The following DAW1 variants were observed in gnomAD, a reference collection of about 807,000 sequenced individuals.
The protein encoded by DAW1 is dynein assembly factor with WD repeat domains 1.
A neutral mutation model predicts 56.5 loss-of-function variants in DAW1; 47 were observed. That is an observed-to-expected ratio of 0.83 (90% CI 0.66 to 1.06). DAW1 has a LOEUF of 1.06. Ranked by LOEUF, DAW1 falls within the 50% of genes least tolerant of loss-of-function variation. The pLI, the probability that DAW1 is intolerant of heterozygous loss-of-function variation, is 0.00. For missense variants in DAW1, 505 were observed against 499.3 expected (o/e 1.01, Z -0.11); for synonymous variants, 190 against 179.0 (o/e 1.06, Z -0.49).
At chr2:227,872,531 T>C (rs4145724) in intron 1 of DAW1, 73,037 of 151,842 alleles carry the variant, frequency 0.48, 17,790 homozygotes, top group Admixed American at 0.58. Flanking sequence ...AGGTATCGCA[T>C]AGAGATCTCA....
chr2:227,913,449 GA>G (rs1307107216), intron 10 of DAW1, among the ~76,000 whole-genome samples: 1 of 151,954 alleles, frequency 6.6e-6, no homozygotes, highest in African/African-American at 2.4e-5. Flanking sequence ...TTTTCTCCTT[GA>G]TAACCACATA....
chr2:227,918,187 C>CCAT (rs1553604212), intron 10 of DAW1, among the ~76,000 whole-genome samples: 36 of 96,168 alleles, frequency 3.7e-4, no homozygotes, highest in South Asian at 6.2e-4. Context: ...ATCCATCCAT[C>CCAT]CATCCATCCA....
intron 10 of DAW1, chr2:227,912,347 C>T (rs1447937035): frequency 5.4e-6 from 7 of 1,304,324 alleles, no homozygotes; most frequent in Non-Finnish European, 7.1e-6. Context: ...ATTCTCCTGC[C>T]TCAGCCGCCC....
chr2:227,871,809 G>T, intron 1 of DAW1, 80 bp downstream of exon 1: 1 of 1,579,912 alleles, frequency 6.3e-7, no homozygotes, highest in South Asian at 1.1e-5. Flanking sequence ...GGAGGAGGGC[G>T]CAGCCACTGA....
At chr2:227,909,537 A>G (rs1034585399) in intron 10 of DAW1, among the ~76,000 whole-genome samples, 8 of 152,128 alleles carry the variant, frequency 5.3e-5, no homozygotes, top group Non-Finnish European at 8.8e-5. Context: ...AAGTCTTGCC[A>G]TATGCCATCT....
rs1715828 is a variant in DAW1 at position 227,893,838 on chromosome 2, A to T, written c.361A>T (p.Thr121Ser). 0.2 allele frequency: 322,025 copies of T among 1,613,320 alleles called. 34,309 individuals carry two copies. Among genetic ancestry groups the T allele is most frequent in the Middle Eastern group, 0.23 (1,387 of 6,054 alleles). ...SYDRTCKLWD[T>S]ASGEELNTLE... ...TGATCGGACGTGCAAGCTCTGGGAC[A>T]CTGCGTCTGGAGAGGAGCTGAACAC... Residue 121 changes from threonine to serine, a missense_variant, in exon 5 of 13, where the codon ACT (threonine) becomes TCT (serine). By Grantham distance (58) the Thr-to-Ser change is moderately conservative (BLOSUM62 1). Coordinates refer to ENST00000309931, the MANE Select transcript of DAW1 (RefSeq NM_178821.3).
intron 5 of DAW1, among the ~76,000 whole-genome samples, chr2:227,894,520 G>A (rs1340496717): frequency 1.3e-5 from 2 of 152,178 alleles, no homozygotes; most frequent in Non-Finnish European, 2.9e-5. Flanking sequence ...TCAATCCTTG[G>A]GAGTTCCGAC....
At chr2:227,923,649 A>T (rs1176372609) in intron 12 of DAW1, among the ~76,000 whole-genome samples, 1 of 152,108 alleles carries the variant, frequency 6.6e-6, no homozygotes, top group Non-Finnish European at 1.5e-5. Context: ...AGGTGGCTGC[A>T]TTCTCAAGTT....
intron 1 of DAW1, among the ~76,000 whole-genome samples, chr2:227,878,606 T>C (rs1690940296): frequency 6.6e-6 from 1 of 152,132 alleles, no homozygotes; most frequent in Non-Finnish European, 1.5e-5. Flanking sequence ...CCTATAGTCC[T>C]AGCTACTCAA....
intron 10 of DAW1, chr2:227,912,212 T>C (rs1422127910): frequency 2.5e-6 from 1 of 405,074 alleles, no homozygotes; most frequent in South Asian, 1.9e-5. Context: ...TGTTATGCTA[T>C]ATCTATGTCA....
intron 5 of DAW1, among the ~76,000 whole-genome samples, chr2:227,896,596 G>A (rs1348063609): frequency 1.5e-4 from 3 of 20,362 alleles, no homozygotes; most frequent in Non-Finnish European, 4.3e-4. Context: ...AAGAGGGAGT[G>A]TGTGTGTGTG....
chr2:227,887,278 A>C (rs1691154034), intron 2 of DAW1, among the ~76,000 whole-genome samples: 1 of 152,230 alleles, frequency 6.6e-6, no homozygotes, highest in Non-Finnish European at 1.5e-5. Flanking sequence ...GATGAGGCCT[A>C]ATATCAAACC....
Position 227,903,047 on chromosome 2 carries a change from A to G in DAW1, c.586A>G (p.Ser196Gly), listed in dbSNP as rs757360634. 6 of 1,614,218 alleles carry G rather than the reference A, an allele frequency of 3.7e-6. No homozygotes were observed. The highest frequency in any genetic ancestry group is 5.1e-6 in the Non-Finnish European group (6 of 1,180,034). Residue 196 changes from serine to glycine, a missense_variant, in exon 7 of 13, where the codon AGT becomes GGT. Physicochemically the swap from Ser to Gly is moderately conservative, Grantham distance 56. Transcript: ENST00000309931. ...TCAAAGCACATTGGTGGCGACTGGA[A>G]GTATGGACACAACAGCCAAATTGTG... ...NPQSTLVATGSMDTTAKLWDI... is the reference protein window; with the variant it reads ...NPQSTLVATGGMDTTAKLWDI...
chr2:227,889,102 G>A (rs1691198500), intron 2 of DAW1, among the ~76,000 whole-genome samples: 2 of 152,136 alleles, frequency 1.3e-5, no homozygotes, highest in African/African-American at 4.8e-5. Flanking sequence ...CATATGTAAA[G>A]TGAAAAGTAT....
chr2:227,921,085 G>A (rs960940078), intron 11 of DAW1, among the ~76,000 whole-genome samples: 22 of 152,300 alleles, frequency 1.4e-4, no homozygotes, highest in African/African-American at 4.8e-4. Context: ...GCACAGAGAA[G>A]GGCATCGTGC....
chr2:227,911,867 G>T (rs150457293), intron 10 of DAW1, among the ~76,000 whole-genome samples: 13 of 152,002 alleles, frequency 8.6e-5, no homozygotes, highest in African/African-American at 2.7e-4. Context: ...CTCTCTTTAG[G>T]ACCTTTATGA....
rs1318905024 is a variant in DAW1 at position 227,921,465 on chromosome 2, G to T, written c.1117G>T (p.Asp373Tyr). ...GSSDKTARIW[D>Y]AQTGQCLQVL... ...CTCTGACAAAACGGCTAGAATCTGGGATGCTCAGACTGGCCAGTGCCTCCA... is the reference window on the plus strand; with the variant it reads ...CTCTGACAAAACGGCTAGAATCTGGTATGCTCAGACTGGCCAGTGCCTCCA... Residue 373 changes from aspartate to tyrosine, a missense_variant, in exon 12 of 13, where the codon GAT becomes TAT. Physicochemically the swap from Asp to Tyr is radical, Grantham distance 160 (BLOSUM62 -3). Coordinates refer to ENST00000309931, the MANE Select transcript of DAW1 (RefSeq NM_178821.3). 1 of 1,613,934 alleles carries T rather than the reference G, an allele frequency of 6.2e-7. No individual in the cohort carries two copies. Among genetic ancestry groups the T allele is most frequent in the Non-Finnish European group, 8.5e-7 (1 of 1,179,986 alleles).
intron 6 of DAW1, among the ~76,000 whole-genome samples, chr2:227,900,136 G>C (rs1691504418): frequency 6.6e-6 from 1 of 152,210 alleles, no homozygotes; most frequent in South Asian, 2.1e-4. Context: ...ACAGGTATTA[G>C]CTTAGTTGTG....
intron 10 of DAW1, chr2:227,912,607 C>T (rs1241024893): frequency 1.7e-6 from 2 of 1,143,952 alleles, no homozygotes; most frequent in Non-Finnish European, 2.2e-6. Context: ...ACCGCCTATT[C>T]TGCTTCATTT....
Sources: allele counts gnomAD v4.1 joint callset (sites outside exome capture counted in the v4.1 genomes callset), GRCh38; gene constraint gnomAD v4.1.1; transcripts MANE v1.5; gene names NCBI Gene and HGNC (gene_info 2026-07-23, HGNC 2026-07-21).